Variants in PDE8B observed in about 807,000 individuals in gnomAD.
PDE8B encodes phosphodiesterase 8B.
A neutral mutation model predicts 101.3 loss-of-function variants in PDE8B; 26 were observed. The ratio of observed to expected loss-of-function variants is 0.26; its 90% CI spans 0.19 to 0.36. The LOEUF is 0.36. Ranked by LOEUF, PDE8B falls within the 10% of genes least tolerant of loss-of-function variation. The probability of loss-of-function intolerance (pLI) is 1.00; values close to 1 mark genes in which losing one functional copy is unlikely to be tolerated. For missense variants in PDE8B, 810 were observed against 1,163.1 expected (o/e 0.70, Z 4.42); for synonymous variants, 424 against 429.3 (o/e 0.99, Z 0.15).
intron 10 of PDE8B, among the ~76,000 whole-genome samples, chr5:77,398,264 C>T (rs1303909981): frequency 6.7e-6 from 1 of 149,102 alleles, no homozygotes; most frequent in African/African-American, 2.5e-5. Context: ...ACTGTAGGGC[C>T]CTTAAAAAAA....
chr5:77,160,539 A>T, the PDE8B span, among the ~76,000 whole-genome samples: 1 of 152,264 alleles, frequency 6.6e-6, no homozygotes, highest in South Asian at 2.1e-4. Context: ...TTGATTTCTA[A>T]AGAGTTGGAG....
chr5:77,393,145 G>A (rs1416707079), intron 10 of PDE8B, among the ~76,000 whole-genome samples: 1 of 152,168 alleles, frequency 6.6e-6, no homozygotes, highest in East Asian at 1.9e-4. Flanking sequence ...TGTAATCCCA[G>A]CACTTTGGGA....
chr5:77,161,472 G>A, the PDE8B span, among the ~76,000 whole-genome samples: 1 of 152,042 alleles, frequency 6.6e-6, no homozygotes, highest in Non-Finnish European at 1.5e-5. Flanking sequence ...ATGAACAGGA[G>A]GTTTGATTTG....
At chr5:77,145,111 C>T in the PDE8B span, 1 of 151,716 alleles carries the variant, frequency 6.6e-6, no homozygotes, top group Non-Finnish European at 1.5e-5. Context: ...TATATATATA[C>T]TTCTAAAATC....
chr5:77,217,521 G>A (rs1750052209), intron 1 of PDE8B, among the ~76,000 whole-genome samples: 2 of 151,806 alleles, frequency 1.3e-5, no homozygotes, highest in African/African-American at 2.4e-5. Flanking sequence ...TGGTAGTTAT[G>A]TTTTAGTAGA....
At chr5:77,366,004 A>T (rs1007415680) in intron 10 of PDE8B, among the ~76,000 whole-genome samples, 1 of 152,052 alleles carries the variant, frequency 6.6e-6, no homozygotes, top group Admixed American at 6.6e-5. Flanking sequence ...ATACAACAAA[A>T]ATTCATTCCA....
the PDE8B span, among the ~76,000 whole-genome samples, chr5:77,116,218 ATATATATTT>A: frequency 3.5e-4 from 26 of 75,130 alleles, no homozygotes; most frequent in African/African-American, 1.9e-3. Flanking sequence ...ATATATATAT[ATATATATTT>A]TTTTTTTTTT....
chr5:77,321,581 A>T (rs1775082402), intron 2 of PDE8B, among the ~76,000 whole-genome samples: 1 of 152,174 alleles, frequency 6.6e-6, no homozygotes, highest in South Asian at 2.1e-4. Context: ...CAAAGAGTCC[A>T]ATTTGGGCTA....
chr5:77,362,021 C>T (rs1453854179), intron 10 of PDE8B, among the ~76,000 whole-genome samples: 4 of 152,168 alleles, frequency 2.6e-5, no homozygotes, highest in Admixed American at 1.3e-4. Context: ...GTGTGTTATA[C>T]ATTCTTTGTA....
the PDE8B span, among the ~76,000 whole-genome samples, chr5:77,100,986 T>C: frequency 0.21 from 30,665 of 145,390 alleles, 3,663 homozygotes; most frequent in Admixed American, 0.32. Flanking sequence ...TTTTTTTTTT[T>C]TGAGATAAGG....
chr5:77,225,051 G>A (rs771557514), intron 1 of PDE8B, among the ~76,000 whole-genome samples: 13 of 152,100 alleles, frequency 8.5e-5, no homozygotes, highest in African/African-American at 2.9e-4. Context: ...TCTTGGAGAC[G>A]TTAGCAGCCA....
intron 11 of PDE8B, among the ~76,000 whole-genome samples, chr5:77,402,166 A>G (rs1792416187): frequency 6.6e-6 from 1 of 152,192 alleles, no homozygotes; most frequent in Non-Finnish European, 1.5e-5. Context: ...GTGTCTCACA[A>G]GTGAGCAGTA....
chr5:77,095,329 G>A, the PDE8B span, among the ~76,000 whole-genome samples: 1 of 152,176 alleles, frequency 6.6e-6, no homozygotes, highest in African/African-American at 2.4e-5. Context: ...CTTTTGCTTT[G>A]CCTGTGTAAC....
chr5:77,393,406 A>AT (rs1400579367), intron 10 of PDE8B, among the ~76,000 whole-genome samples: 1 of 145,016 alleles, frequency 6.9e-6, no homozygotes, highest in East Asian at 2.0e-4. Flanking sequence ...AAAAAAAAAA[A>AT]GAAAGAAAGA....
At chr5:77,235,734 G>A (rs1359787651) in intron 1 of PDE8B, among the ~76,000 whole-genome samples, 4 of 148,628 alleles carry the variant, frequency 2.7e-5, no homozygotes, top group East Asian at 2.0e-4. Context: ...ACCTTCATTC[G>A]TCTATTTGTT....
intron 1 of PDE8B, among the ~76,000 whole-genome samples, chr5:77,276,291 T>C (rs1379419451): frequency 2.6e-5 from 4 of 152,206 alleles, no homozygotes; most frequent in African/African-American, 7.2e-5. Context: ...CGCTCTTCTC[T>C]GTATGAGGAG....
In PDE8B at chr5:77,373,756, A is replaced by T. The variant is rs920997676; in HGVS notation, c.1167+20350A>T. ...TAAAGTGTACCATTCAATGGATTTT[A>T]GTGGTTCATTTCCTTTTATTGGTCA... On this transcript the variant is annotated intron_variant, in intron 10 of 21. Coordinates refer to ENST00000264917, the MANE Select transcript of PDE8B (RefSeq NM_003719.5). Among the ~76,000 whole-genome samples, 4 of 152,174 alleles carry T rather than the reference A, an allele frequency of 2.6e-5. No homozygotes were observed. The East Asian group carries it at 5.8e-4, about 22-fold the overall frequency.
intron 1 of PDE8B, among the ~76,000 whole-genome samples, chr5:77,241,458 A>G (rs1755753334): frequency 6.6e-6 from 1 of 152,262 alleles, no homozygotes; most frequent in Admixed American, 6.5e-5. Context: ...AAACAATCAT[A>G]GTAAGAATAG....
intron 10 of PDE8B, among the ~76,000 whole-genome samples, chr5:77,354,941 A>G (rs1311295678): frequency 9.9e-5 from 15 of 152,196 alleles, no homozygotes; most frequent in Non-Finnish European, 7.3e-5. Context: ...AACCACCGCC[A>G]TCATCTTCAC....
Sources: gnomAD v4.1 joint callset for allele counts (sites outside exome capture counted in the v4.1 genomes callset) on GRCh38, gnomAD v4.1.1 for gene constraint, MANE v1.5 for transcripts, NCBI Gene and HGNC (gene_info 2026-07-23, HGNC 2026-07-21) for gene names.